PPIG: variants seen among roughly 807,000 people sequenced by gnomAD.
PPIG encodes the protein peptidylprolyl isomerase G, also known as peptidyl-prolyl cis-trans isomerase G.
A neutral mutation model predicts 87.9 loss-of-function variants in PPIG; 26 were observed. The ratio of observed to expected loss-of-function variants is 0.30; its 90% confidence interval spans 0.22 to 0.41. The LOEUF is 0.41. Among genes scored for constraint, PPIG ranks in the 10% least tolerant of loss-of-function variants. The pLI, the probability that PPIG is intolerant of heterozygous loss-of-function variation, is 1.00. For synonymous variants in PPIG, 308 were observed against 276.5 expected (o/e 1.11, Z -1.13); for missense variants, 722 against 879.4 (o/e 0.82, Z 2.26).
At chr2:169,624,674 A>T (rs936691260) in intron 9 of PPIG, among the ~76,000 whole-genome samples, 1 of 151,852 alleles carries the variant, frequency 6.6e-6, no homozygotes, top group Non-Finnish European at 1.5e-5. Flanking sequence ...TGCAAGCTCC[A>T]CCTCCCTGGT....
chr2:169,613,420 G>GT (rs138152874), intron 7 of PPIG, among the ~76,000 whole-genome samples: 22,660 of 151,880 alleles, frequency 0.15, 1,842 homozygotes, highest in Middle Eastern at 0.21. Context: ...TTTTGATAAG[G>GT]TTTTTTAAAA....
intron 9 of PPIG, 36 bp downstream of exon 9, chr2:169,614,760 A>G (rs115697204): frequency 0.036 from 56,761 of 1,564,044 alleles, 1,302 homozygotes; most frequent in East Asian, 0.11. Flanking sequence ...GAATACTTAC[A>G]CATACAAAAT....
chr2:169,605,367 G>A (rs769862991), intron 4 of PPIG, among the ~76,000 whole-genome samples: 1 of 152,062 alleles, frequency 6.6e-6, no homozygotes, highest in South Asian at 2.1e-4. Flanking sequence ...GCTGGGTATG[G>A]TGGTGTGTGC....
chr2:169,616,081 G>C (rs1362168937), intron 9 of PPIG, among the ~76,000 whole-genome samples: 1 of 152,102 alleles, frequency 6.6e-6, no homozygotes, highest in Non-Finnish European at 1.5e-5. Flanking sequence ...TTCCACTTTT[G>C]AGTGAGAACA....
chr2:169,585,268 G>GTGTTTTTTTTTTT (rs1476229562), intron 1 of PPIG, among the ~76,000 whole-genome samples: 1 of 22,108 alleles, frequency 4.5e-5, no homozygotes, highest in Non-Finnish European at 1.1e-4. Flanking sequence ...TTCTTGGTTA[G>GTGTTTTTTTTTTT]TCTTTTTTTT....
Position 169,640,234 on chromosome 2 carries a change from A to G in PPIG, c.*2711A>G, listed in dbSNP as rs1686278031. The G allele has an allele frequency of 6.6e-6, 1 of 152,204 alleles. No homozygotes were observed. Among genetic ancestry groups the G allele is most frequent in the Non-Finnish European group, 1.5e-5 (1 of 68,036 alleles). 9.4% of individuals were successfully genotyped at this position (152,204 alleles called of 1,614,324 possible). On this transcript the variant is annotated 3_prime_UTR_variant, in exon 14 of 14. Coordinates refer to ENST00000260970, the MANE Select transcript of PPIG (RefSeq NM_004792.3). ...AAGTTGCAAAGAATTTATCTGATAA[A>G]TCTGCCTTTGCACAAATGTGATACT...
chr2:169,613,528 G>T (rs1685543090), intron 7 of PPIG, among the ~76,000 whole-genome samples: 1 of 152,178 alleles, frequency 6.6e-6, no homozygotes, highest in African/African-American at 2.4e-5. Flanking sequence ...CTTTAAGGTT[G>T]ATGGTGGGGA....
At chr2:169,616,035 T>C (rs954293611) in intron 9 of PPIG, among the ~76,000 whole-genome samples, 6 of 152,148 alleles carry the variant, frequency 3.9e-5, no homozygotes, top group Non-Finnish European at 7.3e-5. Context: ...TGTGTGATGT[T>C]CCTCTCCGTG....
Position 169,594,713 on chromosome 2 carries a change from C to T in PPIG, c.-69-8929C>T, listed in dbSNP as rs1684972533. Among the ~76,000 whole-genome samples, 4 of 150,974 alleles carry T rather than the reference C, an allele frequency of 2.6e-5. No homozygotes were observed. In the South Asian group the frequency reaches 8.4e-4, roughly 32 times the overall value. On this transcript the variant is annotated intron_variant, in intron 1 of 13. Coordinates refer to ENST00000260970, the MANE Select transcript of PPIG (RefSeq NM_004792.3). ...AATCTCGGCTCACTGCAATCTCCAC[C>T]TCCTGGGTTTAAGAGATTCTCCTGT...
chr2:169,589,706 A>G (rs999209265), intron 1 of PPIG, among the ~76,000 whole-genome samples: 2 of 152,038 alleles, frequency 1.3e-5, no homozygotes, highest in African/African-American at 4.8e-5. Context: ...TAGTAGATCT[A>G]GGGAATGGGT....
intron 9 of PPIG, among the ~76,000 whole-genome samples, chr2:169,630,542 C>A (rs957944583): frequency 6.6e-6 from 1 of 152,110 alleles, no homozygotes; most frequent in Non-Finnish European, 1.5e-5. Flanking sequence ...ATTTTAGACT[C>A]ACCTATTTTT....
intron 11 of PPIG, among the ~76,000 whole-genome samples, chr2:169,632,304 A>G (rs1448656445): frequency 6.6e-6 from 1 of 152,222 alleles, no homozygotes; most frequent in Non-Finnish European, 1.5e-5. Context: ...AGTTTGTCTA[A>G]TAGGAAAAAC....
At chr2:169,592,202 G>A (rs1045506180) in intron 1 of PPIG, among the ~76,000 whole-genome samples, 1 of 148,294 alleles carries the variant, frequency 6.7e-6, no homozygotes. Context: ...CATGTTTTTG[G>A]TATCTCCTAG....
intron 7 of PPIG, among the ~76,000 whole-genome samples, chr2:169,612,007 G>A (rs1298866616): frequency 6.6e-6 from 1 of 152,042 alleles, no homozygotes; most frequent in Non-Finnish European, 1.5e-5. Flanking sequence ...ACAGAGTCTT[G>A]CTCTGTTGCC....
At chr2:169,594,134 T>TA (rs1454402956) in intron 1 of PPIG, among the ~76,000 whole-genome samples, 1 of 152,168 alleles carries the variant, frequency 6.6e-6, no homozygotes, top group Admixed American at 6.5e-5. Context: ...TTTCTGAATT[T>TA]AGAGTAGTTC....
chr2:169,593,243 G>A (rs1255813922), intron 1 of PPIG, among the ~76,000 whole-genome samples: 1 of 151,720 alleles, frequency 6.6e-6, no homozygotes, highest in Admixed American at 6.6e-5. Flanking sequence ...CGTCCAGGGT[G>A]GAGTGCAATG....
At chr2:169,584,798 C>T (rs573322748) in intron 1 of PPIG, 3 of 297,992 alleles carry the variant, frequency 1.0e-5, no homozygotes, top group Admixed American at 1.0e-4. Context: ...ACGCATTTTG[C>T]CGCACAAGCT....
chr2:169,612,798 C>T (rs1685526160), intron 7 of PPIG, among the ~76,000 whole-genome samples: 1 of 152,126 alleles, frequency 6.6e-6, no homozygotes. Flanking sequence ...GTGAATACTG[C>T]TGCAGTGAGC....
At chr2:169,594,289 A>C (rs1415028092) in intron 1 of PPIG, among the ~76,000 whole-genome samples, 1 of 147,366 alleles carries the variant, frequency 6.8e-6, no homozygotes, top group Non-Finnish European at 1.5e-5. Flanking sequence ...ATGTGTTGAG[A>C]GTTATTCTTT....
Sources: allele counts gnomAD v4.1 joint callset (sites outside exome capture counted in the v4.1 genomes callset), GRCh38; gene constraint gnomAD v4.1.1; transcripts MANE v1.5; gene names NCBI Gene and HGNC (gene_info 2026-07-23, HGNC 2026-07-21).